MYOCD: variants seen among roughly 807,000 people sequenced by gnomAD.
The protein encoded by MYOCD is myocardin.
In MYOCD, 32 loss-of-function variants were observed where a neutral mutation model predicts 96.1. That is an observed-to-expected ratio of 0.33 (90% CI 0.25 to 0.45). The LOEUF (loss-of-function observed/expected upper bound fraction) is 0.45, where lower values mean the gene tolerates loss of function less well. Ranked by LOEUF, MYOCD falls within the 20% of genes least tolerant of loss-of-function variation. The probability of loss-of-function intolerance (pLI) is 1.00; values close to 1 mark genes in which losing one functional copy is unlikely to be tolerated. For synonymous variants in MYOCD, 469 were observed against 469.0 expected, an observed-to-expected ratio of 1.00 and a Z score of 0.00; for missense variants, 1,133 against 1,200.6, an observed-to-expected ratio of 0.94 and a Z score of 0.83.
Position 12,667,052 on chromosome 17 carries a change from G to T in MYOCD, c.55+809G>T, listed in dbSNP as rs1022057194. Among the ~76,000 whole-genome samples, 4 of 152,326 alleles carry T rather than the reference G, an allele frequency of 2.6e-5. No homozygotes were observed. In the East Asian group the frequency reaches 7.7e-4, roughly 29 times the overall value. ...GTATAATGTTGGTTTTAGAAAACTG[G>T]TTAACAACACACTCAACAATGTAGG... On this transcript the variant is annotated intron_variant, in intron 1 of 13. Coordinates refer to ENST00000425538, the MANE Select transcript of MYOCD (RefSeq NM_001146312.3).
At chr17:12,744,829 A>C (rs1410086918) in intron 8 of MYOCD, among the ~76,000 whole-genome samples, 1 of 152,254 alleles carries the variant, frequency 6.6e-6, no homozygotes, top group Non-Finnish European at 1.5e-5. Context: ...AAGATACTGT[A>C]ATAAAAGGTA....
At chr17:12,700,527 C>T (rs1390778430) in intron 1 of MYOCD, among the ~76,000 whole-genome samples, 1 of 148,682 alleles carries the variant, frequency 6.7e-6, no homozygotes, top group African/African-American at 2.5e-5. Flanking sequence ...CATTCTCCTG[C>T]CTCAGCCTCC....
intron 4 of MYOCD, among the ~76,000 whole-genome samples, chr17:12,719,174 C>CAAAAAAAAAAAAAAAAAAAAAAAA (rs71144920): frequency 8.1e-5 from 4 of 49,160 alleles, no homozygotes; most frequent in African/African-American, 1.2e-4. Context: ...GACTCTGTCT[C>CAAAAAAAAAAAAAAAAAAAAAAAA]AAAAAAAAAA....
At chr17:12,739,884 G>T (rs963225743) in intron 7 of MYOCD, among the ~76,000 whole-genome samples, 1 of 152,036 alleles carries the variant, frequency 6.6e-6, no homozygotes, top group Non-Finnish European at 1.5e-5. Flanking sequence ...TTTTGGGGGT[G>T]CAGGTGGTTT....
chr17:12,694,274 G>A (rs2030630427), intron 1 of MYOCD, among the ~76,000 whole-genome samples: 1 of 152,284 alleles, frequency 6.6e-6, no homozygotes, highest in South Asian at 2.1e-4. Context: ...CCGGGAAGGG[G>A]CCAAGCAAAA....
chr17:12,682,611 T>C lies in MYOCD; in HGVS notation c.55+16368T>C, dbSNP rs539459899. Among the ~76,000 whole-genome samples the C allele has an allele frequency of 2.0e-5, 3 of 152,346 alleles. No individual in the cohort carries two copies. In the South Asian group the frequency reaches 6.2e-4, roughly 32 times the overall value. On this transcript the variant is annotated intron_variant, in intron 1 of 13. Coordinates refer to ENST00000425538, the MANE Select transcript of MYOCD (RefSeq NM_001146312.3). ...TTCAGGGGGCTCATGCTCTGTTGTATCCAGGGTTTGTGATCTTGACCTGGC... is the reference window on the plus strand; with the variant it reads ...TTCAGGGGGCTCATGCTCTGTTGTACCCAGGGTTTGTGATCTTGACCTGGC...
intron 9 of MYOCD, among the ~76,000 whole-genome samples, chr17:12,750,880 C>A (rs1031135894): frequency 6.6e-6 from 1 of 151,938 alleles, no homozygotes; most frequent in Admixed American, 6.6e-5. Flanking sequence ...GATCATATAT[C>A]CCTTGCTCAT....
intron 1 of MYOCD, among the ~76,000 whole-genome samples, chr17:12,676,554 T>C (rs1310372771): frequency 6.6e-6 from 1 of 152,114 alleles, no homozygotes. Flanking sequence ...TTGCCTTTTT[T>C]TTTAAGATAT....
chr17:12,714,363 C>CACACA, intron 2 of MYOCD, among the ~76,000 whole-genome samples: 1 of 47,334 alleles, frequency 2.1e-5, no homozygotes, highest in Non-Finnish European at 5.6e-5. Flanking sequence ...ACACACACAC[C>CACACA]CCGATCTGGT....
Position 12,764,533 on chromosome 17 carries a change from G to A in MYOCD, c.*889G>A, listed in dbSNP as rs532205078. 10 of 152,384 alleles carry A rather than the reference G, an allele frequency of 6.6e-5. No individual in the cohort carries two copies. Among genetic ancestry groups the A allele is most frequent in the African/African-American group, 2.4e-4 (10 of 41,570 alleles). 9.4% of individuals were successfully genotyped at this position (152,384 alleles called of 1,614,324 possible). The stretch of plus-strand genomic sequence containing the variant: ...GAAGTATATCTCGAGGCACAGGAAG[G>A]GAGCCCCACCAGGGATAATTCAGAC... On this transcript the variant is annotated 3_prime_UTR_variant, in exon 14 of 14. Transcript: ENST00000425538.
intron 1 of MYOCD, among the ~76,000 whole-genome samples, chr17:12,677,130 C>T (rs1910110932): frequency 6.6e-6 from 1 of 152,152 alleles, no homozygotes; most frequent in Non-Finnish European, 1.5e-5. Context: ...AGGCCATTAT[C>T]TTTAGCAAAC....
At chr17:12,675,686 G>C (rs1053742460) in intron 1 of MYOCD, among the ~76,000 whole-genome samples, 1 of 152,108 alleles carries the variant, frequency 6.6e-6, no homozygotes, top group African/African-American at 2.4e-5. Flanking sequence ...GTGAAAACCC[G>C]TCCCTACTAA....
chr17:12,744,555 C>T, intron 8 of MYOCD, 119 bp downstream of exon 8: 1 of 1,359,082 alleles, frequency 7.4e-7, no homozygotes, highest in Non-Finnish European at 9.8e-7. Context: ...TTTCCTCATC[C>T]AGTATGTTTG....
intron 1 of MYOCD, among the ~76,000 whole-genome samples, chr17:12,672,868 A>G (rs1909789152): frequency 6.6e-6 from 1 of 152,164 alleles, no homozygotes; most frequent in Non-Finnish European, 1.5e-5. Context: ...CAGACCCTCA[A>G]ATACTTAGTA....
intron 5 of MYOCD, among the ~76,000 whole-genome samples, chr17:12,723,321 G>A (rs2031901786): frequency 6.6e-6 from 1 of 152,110 alleles, no homozygotes; most frequent in Admixed American, 6.5e-5. Context: ...TCACAGTCAT[G>A]GTCCTGTTTA....
intron 6 of MYOCD, among the ~76,000 whole-genome samples, chr17:12,736,790 G>A (rs765794518): frequency 6.6e-6 from 1 of 152,156 alleles, no homozygotes; most frequent in Non-Finnish European, 1.5e-5. Flanking sequence ...TCTCTCCAAG[G>A]CAGGGAGGCC....
chr17:12,744,366 A>G lies in MYOCD; in HGVS notation c.901A>G (p.Ile301Val). Residue 301 changes from isoleucine to valine, a missense_variant, in exon 8 of 14, where the codon ATC (isoleucine) becomes GTC (valine). Coordinates refer to ENST00000425538, the MANE Select transcript of MYOCD (RefSeq NM_001146312.3). ...QQQQLFLQLQ[I>V]LSQQQQQQQH... ...ACAGCAGCTGTTCCTGCAGCTCCAAATCCTCAGCCAGCAGCAGCAGCAGCA... is the reference window on the plus strand; with the variant it reads ...ACAGCAGCTGTTCCTGCAGCTCCAAGTCCTCAGCCAGCAGCAGCAGCAGCA... The G allele has an allele frequency of 6.2e-7, 1 of 1,614,146 alleles. No individual in the cohort carries two copies.
At chr17:12,700,822 A>G (rs947758905) in intron 1 of MYOCD, among the ~76,000 whole-genome samples, 48 of 152,266 alleles carry the variant, frequency 3.2e-4, no homozygotes, top group African/African-American at 1.0e-3. Flanking sequence ...TTTAATGGAA[A>G]ACTTGGAAAA....
Position 12,739,272 on chromosome 17 carries a change from G to C in MYOCD, c.661G>C (p.Gly221Arg), listed in dbSNP as rs765470716. ...ACAGCCCAGCCACCAGTCAGATGCG[G>C]GGAAGCAGGGGCTTGGCCCCCCCAG... ...ASQPSHQSDA[G>R]KQGLGPPSTP... Residue 221 changes from glycine (G) to arginine (R), a missense_variant, in exon 7 of 14, where the codon GGG becomes CGG. Gly to Arg is a moderately radical substitution (Grantham distance 125, BLOSUM62 -2). Transcript: ENST00000425538. The C allele has an allele frequency of 6.2e-7, 1 of 1,608,950 alleles. No homozygotes were observed. The highest frequency in any genetic ancestry group is 8.5e-7 in the Non-Finnish European group (1 of 1,178,014).
Sources: allele counts gnomAD v4.1 joint callset (sites outside exome capture counted in the v4.1 genomes callset), GRCh38; gene constraint gnomAD v4.1.1; transcripts MANE v1.5; gene names NCBI Gene and HGNC (gene_info 2026-07-23, HGNC 2026-07-21).